Variants in GULP1 observed in about 807,000 individuals in gnomAD.
GULP1 encodes the protein PTB domain-containing engulfment adapter protein 1.
In GULP1, 19 loss-of-function variants were observed where a neutral mutation model predicts 40.9. The observed-to-expected ratio is 0.46, with a 90% confidence interval of 0.32 to 0.68. The LOEUF is 0.68. Ranked by LOEUF, GULP1 falls within the 30% of genes least tolerant of loss-of-function variation. The pLI, the probability that GULP1 is intolerant of heterozygous loss-of-function variation, is 0.03. For missense variants in GULP1, 312 were observed against 362.2 expected (o/e 0.86, Z 1.12); for synonymous variants, 119 against 117.6 (o/e 1.01, Z -0.08).
chr2:188,313,057 C>A (rs569598534), intron 1 of GULP1, among the ~76,000 whole-genome samples: 1 of 152,212 alleles, frequency 6.6e-6, no homozygotes, highest in Non-Finnish European at 1.5e-5. Context: ...AATTTTCTCC[C>A]ATTCTGTAGG....
rs138176215 is a variant in GULP1, at chr2:188,563,642, A to G, written c.400-5597A>G. On this transcript the variant is annotated intron_variant, in intron 7 of 11. Transcript: ENST00000409830. ...AAATATTTGGCCCAAATATTTGACAAAACTTTTTGACAAGTGAAATACCAA... is the reference window on the plus strand; with the variant it reads ...AAATATTTGGCCCAAATATTTGACAGAACTTTTTGACAAGTGAAATACCAA... 4.3e-3 allele frequency among the ~76,000 whole-genome samples: 643 copies of G among 151,170 alleles called. 6 individuals are homozygous for G. Among genetic ancestry groups the G allele is most frequent in the African/African-American group, 0.015 (608 of 40,974 alleles).
chr2:188,299,729 G>C (rs1330126806), intron 1 of GULP1, among the ~76,000 whole-genome samples: 1 of 152,194 alleles, frequency 6.6e-6, no homozygotes, highest in African/African-American at 2.4e-5. Flanking sequence ...AGAGGATGTT[G>C]AGGAAGGAGG....
chr2:188,303,304 A>G (rs1362036055), intron 1 of GULP1, among the ~76,000 whole-genome samples: 2 of 152,154 alleles, frequency 1.3e-5, no homozygotes, highest in South Asian at 2.1e-4. Context: ...GGGATGAAAT[A>G]TATTTTGGAG....
intron 3 of GULP1, among the ~76,000 whole-genome samples, chr2:188,479,157 T>G (rs1335172466): frequency 6.6e-6 from 1 of 152,076 alleles, no homozygotes; most frequent in Non-Finnish European, 1.5e-5. Context: ...AATTACTAGC[T>G]TTTTTTGGTC....
chr2:188,425,227 A>G (rs1249987210), intron 2 of GULP1, among the ~76,000 whole-genome samples: 1 of 151,982 alleles, frequency 6.6e-6, no homozygotes, highest in Non-Finnish European at 1.5e-5. Context: ...TCATTTGCTG[A>G]CTCTCAAAAT....
chr2:188,308,478 G>A (rs1411718681), intron 1 of GULP1, among the ~76,000 whole-genome samples: 1 of 152,128 alleles, frequency 6.6e-6, no homozygotes, highest in Non-Finnish European at 1.5e-5. Flanking sequence ...ATATATGAGT[G>A]TGTGTTTGTG....
intron 9 of GULP1, among the ~76,000 whole-genome samples, chr2:188,573,211 T>A (rs999437675): frequency 1.3e-5 from 2 of 152,280 alleles, no homozygotes; most frequent in African/African-American, 4.8e-5. Flanking sequence ...AAAAAACATT[T>A]TTGCCTTTCA....
At chr2:188,451,187 A>G (rs1370419294) in intron 2 of GULP1, among the ~76,000 whole-genome samples, 2 of 152,228 alleles carry the variant, frequency 1.3e-5, no homozygotes, top group African/African-American at 4.8e-5. Context: ...CACATGGTAC[A>G]TTCGGGAGGA....
intron 2 of GULP1, among the ~76,000 whole-genome samples, chr2:188,441,812 A>G (rs2057961244): frequency 6.6e-6 from 1 of 152,078 alleles, no homozygotes. Context: ...GCTAGAATTG[A>G]TTTTCCTTTA....
rs567288370 is a variant in GULP1 at position 188,518,371 on chromosome 2, GC to G, written c.91-4384del. 2.4e-4 allele frequency among the ~76,000 whole-genome samples: 36 copies of G among 152,170 alleles called. No homozygotes were observed. In the South Asian group the frequency reaches 6.9e-3, roughly 29 times the overall value. ...CTCTGCATCATAACATTATACCTTA[GC>G]GTTTACCTCACCTCCAAACAAATAA... On this transcript the variant is annotated intron_variant, in intron 4 of 11. Transcript: ENST00000409830.
At chr2:188,466,331 G>A (rs1264905193) in intron 2 of GULP1, 1 of 151,536 alleles carries the variant, frequency 6.6e-6, no homozygotes, top group South Asian at 2.1e-4. Context: ...AGGCTGGAGT[G>A]CAGTGGTGCA....
chr2:188,556,257 G>A lies in GULP1; in HGVS notation c.400-12982G>A, dbSNP rs932838053. Among the ~76,000 whole-genome samples, 10 of 151,800 alleles carry A rather than the reference G, an allele frequency of 6.6e-5. 1 individual carries two copies. In the South Asian group the frequency reaches 8.3e-4, roughly 13 times the overall value. ...ACTATTTTTATCTTTATATTTGTCCGACTGAATTATTTCAAAAGATCTGTC... is the reference window on the plus strand; with the variant it reads ...ACTATTTTTATCTTTATATTTGTCCAACTGAATTATTTCAAAAGATCTGTC... On this transcript the variant is annotated intron_variant, in intron 7 of 11. Coordinates refer to ENST00000409830, the MANE Select transcript of GULP1 (RefSeq NM_016315.4).
chr2:188,526,048 TTTAC>T (rs1243720480), intron 5 of GULP1, among the ~76,000 whole-genome samples: 1 of 152,182 alleles, frequency 6.6e-6, no homozygotes, highest in Non-Finnish European at 1.5e-5. Flanking sequence ...CCATTAGTAG[TTTAC>T]TTAATTTCAC....
At chr2:188,354,012 ACCCTGCTT>A (rs1196732081) in intron 1 of GULP1, among the ~76,000 whole-genome samples, 1 of 152,028 alleles carries the variant, frequency 6.6e-6, no homozygotes, top group East Asian at 1.9e-4. Flanking sequence ...CAGTTCTAGT[ACCCTGCTT>A]CCCTGGAGCT....
chr2:188,532,899 T>G (rs1687936407), intron 6 of GULP1, among the ~76,000 whole-genome samples: 1 of 151,902 alleles, frequency 6.6e-6, no homozygotes, highest in Non-Finnish European at 1.5e-5. Context: ...CCAGCACAGG[T>G]GACAGTGTGA....
chr2:188,498,676 A>T (rs1051504024), intron 4 of GULP1, among the ~76,000 whole-genome samples: 9 of 151,874 alleles, frequency 5.9e-5, no homozygotes, highest in African/African-American at 1.9e-4. Flanking sequence ...CTGTAGGATG[A>T]CTATAAATAA....
At chr2:188,411,386 A>G (rs192636559) in intron 2 of GULP1, among the ~76,000 whole-genome samples, 68 of 152,230 alleles carry the variant, frequency 4.5e-4, no homozygotes, top group Middle Eastern at 3.4e-3. Flanking sequence ...TGGTGGCCAT[A>G]GCCAGGTCAG....
intron 2 of GULP1, among the ~76,000 whole-genome samples, chr2:188,410,867 C>T (rs2053780313): frequency 1.3e-5 from 2 of 152,134 alleles, no homozygotes; most frequent in Admixed American, 1.3e-4. Flanking sequence ...GCATAAGCTC[C>T]AGTAATAGAT....
chr2:188,501,337 C>T (rs1412624021), intron 4 of GULP1, among the ~76,000 whole-genome samples: 6 of 151,836 alleles, frequency 4.0e-5, no homozygotes, highest in African/African-American at 1.5e-4. Context: ...GTAAGACTTG[C>T]CTGGCCCCAC....
Sources: allele counts gnomAD v4.1 joint callset (sites outside exome capture counted in the v4.1 genomes callset), GRCh38; gene constraint gnomAD v4.1.1; transcripts MANE v1.5; gene names NCBI Gene and HGNC (gene_info 2026-07-23, HGNC 2026-07-21).